The following SMARCA1 variants were observed in gnomAD, a reference collection of about 807,000 sequenced individuals.
The protein encoded by SMARCA1 is SWI/SNF-related matrix-associated actin-dependent regulator of chromatin subfamily A member 1.
In SMARCA1, 17 loss-of-function variants were observed where a neutral mutation model predicts 93.6. The ratio of observed to expected loss-of-function variants is 0.18; its 90% confidence interval spans 0.12 to 0.27. The LOEUF (loss-of-function observed/expected upper bound fraction) is 0.27. Among genes scored for constraint, SMARCA1 ranks in the 10% least tolerant of loss-of-function variants. SMARCA1 has a pLI of 1.00. For synonymous variants in SMARCA1, 271 were observed against 271.4 expected, an observed-to-expected ratio of 1.00 and a Z score of 0.01; for missense variants, 630 against 819.0, an observed-to-expected ratio of 0.77 and a Z score of 2.82.
chrX:129,507,705 C>T (rs1338566872), intron 7 of SMARCA1, among the ~76,000 whole-genome samples: 2 of 111,989 alleles, frequency 1.8e-5, no homozygotes, highest in African/African-American at 6.5e-5. Context: ...AGGCATGCAC[C>T]ACCACACCCT....
chrX:129,493,220 A>G (rs1023479707), intron 12 of SMARCA1, 145 bp from the exon 13 acceptor site: 6 of 311,334 alleles, frequency 1.9e-5, no homozygotes, highest in Non-Finnish European at 3.5e-5. Context: ...ATAGGGTGAA[A>G]TATTATCCTA....
intron 19 of SMARCA1, among the ~76,000 whole-genome samples, chrX:129,476,290 C>T (rs1245719318): frequency 8.9e-6 from 1 of 111,877 alleles, no homozygotes; most frequent in African/African-American, 3.2e-5. Context: ...GTGGTTAGGG[C>T]GAAACAAATA....
At chrX:129,465,478 A>G in intron 23 of SMARCA1, 42 bp downstream of exon 23, 2 of 999,128 alleles carry the variant, frequency 2.0e-6, no homozygotes, top group South Asian at 2.2e-5. Flanking sequence ...AAATTTTTCA[A>G]AATAAAAAGT....
chrX:129,447,131 A>T lies in SMARCA1; in HGVS notation c.*31T>A. ...TTGAAGATGGGAACAAGAAAATAGC[A>T]GTTTCCCATTTAAAACTTTATTTCT... On this transcript the variant is annotated 3_prime_UTR_variant, in exon 25 of 25. Transcript: ENST00000371121. The T allele has an allele frequency of 9.0e-7, 1 of 1,107,319 alleles. No individual in the cohort carries two copies. 91.3% of individuals were successfully genotyped at this position (1,107,319 alleles called of 1,213,427 possible). A position where few individuals can be genotyped will look rare whatever the true frequency, so the allele number is the denominator to read the frequency against.
chrX:129,513,401 G>A (rs1935080743), intron 5 of SMARCA1, among the ~76,000 whole-genome samples: 1 of 107,882 alleles, frequency 9.3e-6, no homozygotes, highest in African/African-American at 3.4e-5. Context: ...GTGGGCGCCT[G>A]TAATCCCAGC....
At chrX:129,462,833 G>C (rs757836629) in intron 23 of SMARCA1, among the ~76,000 whole-genome samples, 1 of 108,617 alleles carries the variant, frequency 9.2e-6, no homozygotes, top group South Asian at 4.1e-4. Context: ...TACATTTCTC[G>C]GTAAAGAAAG....
chrX:129,511,312 C>A (rs1569448709), intron 6 of SMARCA1, among the ~76,000 whole-genome samples: 1 of 111,600 alleles, frequency 9.0e-6, no homozygotes, highest in Admixed American at 9.6e-5. Context: ...AAACACAAAA[C>A]ACGAGGCTCT....
intron 19 of SMARCA1, among the ~76,000 whole-genome samples, chrX:129,473,446 C>T (rs1169490563): frequency 3.6e-5 from 4 of 112,117 alleles, no homozygotes; most frequent in Non-Finnish European, 7.5e-5. Flanking sequence ...ACCAGCAATT[C>T]CATTCCTAAG....
At chrX:129,517,312 G>T (rs551453463) in intron 2 of SMARCA1, among the ~76,000 whole-genome samples, 32 of 110,520 alleles carry the variant, frequency 2.9e-4, no homozygotes, top group African/African-American at 9.2e-4. Flanking sequence ...AAGATCAAAA[G>T]ATATATACAT....
intron 16 of SMARCA1, 151 bp from the exon 17 acceptor site, chrX:129,487,288 A>C: frequency 2.7e-6 from 1 of 367,510 alleles, no homozygotes; most frequent in Non-Finnish European, 4.6e-6. Flanking sequence ...ATCAAACCTG[A>C]AGTGCAAATT....
chrX:129,483,595 T>C (rs1178375373), intron 17 of SMARCA1, among the ~76,000 whole-genome samples: 1 of 112,190 alleles, frequency 8.9e-6, no homozygotes, highest in African/African-American at 3.2e-5. Context: ...TAAACCAACA[T>C]TCTACAAGTG....
rs768063840 is a variant in SMARCA1, at chrX:129,500,965, C to T, written c.1168-1124G>A. Among the ~76,000 whole-genome samples the T allele has an allele frequency of 3.6e-4, 40 of 112,143 alleles. 1 individual carries two copies. Among genetic ancestry groups the T allele is most frequent in the Non-Finnish European group, 7.1e-4 (38 of 53,186 alleles). ...AAAAAGATAAAATAGTCAGTGTATACCTGGAAGACAGGTTATATCACAAGA... is the reference window on the plus strand; with the variant it reads ...AAAAAGATAAAATAGTCAGTGTATATCTGGAAGACAGGTTATATCACAAGA... On this transcript the variant is annotated intron_variant, in intron 9 of 24. Coordinates refer to ENST00000371121, the MANE Select transcript of SMARCA1 (RefSeq NM_001282874.2).
rs1932892173 is a variant in SMARCA1, at chrX:129,465,712, T to C, written c.2838A>G (p.Pro946=). 8.5e-7 allele frequency: 1 copy of C among 1,179,147 alleles called. No individual in the cohort carries two copies. The highest frequency in any genetic ancestry group is 1.1e-6 in the Non-Finnish European group (1 of 879,248). Residue 946 remains proline (P), a synonymous_variant, in exon 23 of 25, where the codon CCA becomes CCG. Transcript: ENST00000371121. ...CATACTGAATGCGCAACTGATGAAA[T>C]GGAGCCTTGTATCTTGCAATCTGTG... ...LDAKIARYKA[P]FHQLRIQYGT...
intron 8 of SMARCA1, among the ~76,000 whole-genome samples, 161 bp downstream of exon 8, chrX:129,505,919 C>A (rs946708878): frequency 6.2e-5 from 7 of 112,061 alleles, no homozygotes; most frequent in Non-Finnish European, 1.1e-4. Context: ...CAAAGATCCT[C>A]ATTTTAAAAC....
intron 23 of SMARCA1, among the ~76,000 whole-genome samples, chrX:129,462,923 G>T (rs1932831076): frequency 9.5e-6 from 1 of 105,159 alleles, no homozygotes; most frequent in Admixed American, 1.0e-4. Context: ...ACATCTAGTG[G>T]TTGATAATAT....
chrX:129,480,844 C>A, intron 18 of SMARCA1, 30 bp from the exon 19 acceptor site: 1 of 901,734 alleles, frequency 1.1e-6, no homozygotes, highest in Non-Finnish European at 1.6e-6. Context: ...ATTATATATA[C>A]TTCTTTTCAG....
At chrX:129,451,700 AT>A (rs772285996) in intron 23 of SMARCA1, among the ~76,000 whole-genome samples, 3,948 of 81,253 alleles carry the variant, frequency 0.049, 133 homozygotes, top group African/African-American at 0.14. Context: ...TACCAGCTCC[AT>A]TTTTTTTTTT....
intron 21 of SMARCA1, among the ~76,000 whole-genome samples, chrX:129,468,205 G>A (rs769382320): frequency 3.6e-5 from 4 of 112,109 alleles, no homozygotes; most frequent in Admixed American, 9.5e-5. Flanking sequence ...GATTCTGGTC[G>A]AGCTCAACAA....
intron 23 of SMARCA1, among the ~76,000 whole-genome samples, chrX:129,449,973 G>A (rs1932206556): frequency 1.8e-5 from 2 of 112,748 alleles, no homozygotes; most frequent in Non-Finnish European, 3.7e-5. Flanking sequence ...ATACATATCT[G>A]ACATTGACAA....
Sources: gnomAD v4.1 joint callset for allele counts (sites outside exome capture counted in the v4.1 genomes callset) on GRCh38, gnomAD v4.1.1 for gene constraint, MANE v1.5 for transcripts, NCBI Gene and HGNC (gene_info 2026-07-23, HGNC 2026-07-21) for gene names.